The following SH3RF1 variants were observed in gnomAD, a reference collection of about 807,000 sequenced individuals.
SH3RF1 encodes E3 ubiquitin-protein ligase SH3RF1.
In SH3RF1, 32 loss-of-function variants were observed where a neutral mutation model predicts 74.0. The observed-to-expected ratio is 0.43, with a 90% CI of 0.33 to 0.58. The LOEUF (loss-of-function observed/expected upper bound fraction) is 0.58, where lower values mean the gene tolerates loss of function less well. Among genes scored for constraint, SH3RF1 ranks in the 20% least tolerant of loss-of-function variants. The pLI is 0.05. For synonymous variants in SH3RF1, 396 were observed against 439.6 expected, an observed-to-expected ratio of 0.90 and a Z score of 1.24; for missense variants, 954 against 1,130.9, an observed-to-expected ratio of 0.84 and a Z score of 2.24.
chr4:169,131,650 C>T lies in SH3RF1; in HGVS notation c.1069-1494G>A, dbSNP rs1208202215. Among the ~76,000 whole-genome samples the T allele has an allele frequency of 2.6e-5, 4 of 152,224 alleles. No homozygotes were observed. The South Asian group carries it at 6.2e-4, about 24-fold the overall frequency. ...CTGAAAAGAAAACCTTAACTTTCCA[C>T]GCCTAAGTAACAAATGGACCAAAGG... On this transcript the variant is annotated intron_variant, in intron 5 of 11. Transcript: ENST00000284637.
chr4:169,255,882 C>A (rs1024973653), intron 2 of SH3RF1, among the ~76,000 whole-genome samples: 6 of 152,094 alleles, frequency 3.9e-5, no homozygotes, highest in Non-Finnish European at 8.8e-5. Context: ...TTCCTCCCCC[C>A]TCAGCTTCTG....
chr4:169,132,048 C>T (rs184749453), intron 5 of SH3RF1, among the ~76,000 whole-genome samples: 3 of 152,328 alleles, frequency 2.0e-5, no homozygotes, highest in East Asian at 3.9e-4. Context: ...CCCACACTGG[C>T]GTGTACTTTC....
At chr4:169,177,080 A>G (rs1734433353) in intron 2 of SH3RF1, among the ~76,000 whole-genome samples, 2 of 152,174 alleles carry the variant, frequency 1.3e-5, no homozygotes, top group Non-Finnish European at 2.9e-5. Flanking sequence ...CACCTCCCCC[A>G]GCCTACAACT....
chr4:169,162,870 C>T (rs1734172298), intron 2 of SH3RF1, among the ~76,000 whole-genome samples: 1 of 152,118 alleles, frequency 6.6e-6, no homozygotes, highest in African/African-American at 2.4e-5. Context: ...TTTTTTAGCG[C>T]TTGGTGGCTC....
chr4:169,201,675 C>T (rs752652559), intron 2 of SH3RF1: 3 of 152,154 alleles, frequency 2.0e-5, no homozygotes, highest in Non-Finnish European at 2.9e-5. Context: ...ATTCATAATA[C>T]CATAATCATT....
intron 2 of SH3RF1, chr4:169,217,079 C>T (rs1579143874): frequency 6.7e-6 from 1 of 148,804 alleles, no homozygotes; most frequent in African/African-American, 2.5e-5. Context: ...GAGAAGATCG[C>T]TTGAGCCCAG....
intron 2 of SH3RF1, among the ~76,000 whole-genome samples, chr4:169,194,667 T>C (rs1472219767): frequency 6.6e-6 from 1 of 152,216 alleles, no homozygotes; most frequent in Non-Finnish European, 1.5e-5. Context: ...ATGATGCTAT[T>C]ATGAATGTTC....
At chr4:169,167,332 A>G (rs946753440) in intron 2 of SH3RF1, among the ~76,000 whole-genome samples, 2 of 152,170 alleles carry the variant, frequency 1.3e-5, no homozygotes, top group Admixed American at 1.3e-4. Flanking sequence ...TTTTCTAAAA[A>G]ATGTGGAGCA....
At chr4:169,104,517 G>T (rs1355045919) in intron 11 of SH3RF1, among the ~76,000 whole-genome samples, 1 of 152,162 alleles carries the variant, frequency 6.6e-6, no homozygotes, top group Admixed American at 6.5e-5. Flanking sequence ...TGTAGGGAGA[G>T]AACACTTTTT....
intron 2 of SH3RF1, among the ~76,000 whole-genome samples, chr4:169,259,187 T>C (rs1478761691): frequency 1.3e-5 from 2 of 152,162 alleles, no homozygotes; most frequent in Non-Finnish European, 2.9e-5. Context: ...ATAATAATAA[T>C]AATAATTTCC....
chr4:169,116,403 T>C lies in SH3RF1; in HGVS notation c.2005A>G (p.Ile669Val), dbSNP rs890253083. Residue 669 changes from isoleucine (I) to valine (V), a missense_variant, in exon 10 of 12, where the codon ATC (isoleucine) becomes GTC (valine). By Grantham distance (29) the Ile-to-Val change is conservative. Transcript: ENST00000284637. The stretch of plus-strand genomic sequence containing the variant: ...TCAGCCTCCAGAGAAGCACTGGTGA[T>C]GCTTGGGGAAGTCAGTGGAGCAGCT... Reference protein sequence around the residue: ...AAAAPLTSPSITSASLEAEPS... With the variant: ...AAAAPLTSPSVTSASLEAEPS... 1 of 1,614,154 alleles carries C rather than the reference T, an allele frequency of 6.2e-7. No homozygotes were observed. Among genetic ancestry groups the C allele is most frequent in the Non-Finnish European group, 8.5e-7 (1 of 1,180,012 alleles).
chr4:169,199,851 A>T (rs1340148637), intron 2 of SH3RF1, among the ~76,000 whole-genome samples: 10 of 152,206 alleles, frequency 6.6e-5, no homozygotes, highest in Non-Finnish European at 1.5e-4. Context: ...AGCACGACAC[A>T]TGTAAATTAA....
intron 2 of SH3RF1, among the ~76,000 whole-genome samples, chr4:169,225,882 G>C (rs963667422): frequency 6.6e-5 from 10 of 152,244 alleles, no homozygotes; most frequent in Admixed American, 3.3e-4. Flanking sequence ...AAACAGAAGA[G>C]ATGAGCAGAG....
intron 11 of SH3RF1, among the ~76,000 whole-genome samples, chr4:169,102,726 T>C (rs1242853026): frequency 6.6e-6 from 1 of 152,166 alleles, no homozygotes; most frequent in Non-Finnish European, 1.5e-5. Flanking sequence ...CACTATTTCT[T>C]GCTTGTTTTC....
intron 4 of SH3RF1, among the ~76,000 whole-genome samples, chr4:169,139,598 A>T (rs935738262): frequency 6.6e-6 from 1 of 152,192 alleles, no homozygotes; most frequent in South Asian, 2.1e-4. Context: ...TGCTGTGAAT[A>T]ATCTAGTTAT....
At chr4:169,190,451 T>G (rs927228668) in intron 2 of SH3RF1, among the ~76,000 whole-genome samples, 10 of 151,948 alleles carry the variant, frequency 6.6e-5, no homozygotes, top group Non-Finnish European at 8.8e-5. Context: ...CACCTTTACA[T>G]GCATAAACTA....
chr4:169,231,865 T>C lies in SH3RF1; in HGVS notation c.393+36955A>G, dbSNP rs530985363. 5.7e-4 allele frequency among the ~76,000 whole-genome samples: 87 copies of C among 152,344 alleles called. 1 individual carries two copies. The highest frequency in any genetic ancestry group is 2.0e-3 in the African/African-American group (82 of 41,594). On this transcript the variant is annotated intron_variant, in intron 2 of 11. Coordinates refer to ENST00000284637, the MANE Select transcript of SH3RF1 (RefSeq NM_020870.4). ...TTGACATTAGACATTCAAGGATATA[T>C]AAGTATCAGGTCCTGTCTTTAAAAA... is the stretch of plus-strand genomic sequence containing the variant.
intron 4 of SH3RF1, among the ~76,000 whole-genome samples, chr4:169,144,697 A>G (rs1480641654): frequency 6.6e-6 from 1 of 152,138 alleles, no homozygotes; most frequent in African/African-American, 2.4e-5. Flanking sequence ...CACTATAGTG[A>G]ACTATGGTCA....
chr4:169,095,089 A>G lies in SH3RF1; in HGVS notation c.*1430T>C, dbSNP rs1244281820. 1 of 152,608 alleles carries G rather than the reference A, an allele frequency of 6.6e-6. No homozygotes were observed. Among genetic ancestry groups the G allele is most frequent in the Non-Finnish European group, 1.5e-5 (1 of 68,046 alleles). 9.5% of individuals were successfully genotyped at this position (152,608 alleles called of 1,614,324 possible). A position where few individuals can be genotyped will look rare whatever the true frequency, so the allele number is the denominator to read the frequency against. On this transcript the variant is annotated 3_prime_UTR_variant, in exon 12 of 12. Coordinates refer to ENST00000284637, the MANE Select transcript of SH3RF1 (RefSeq NM_020870.4). ...AGAGGCCAATGACATCAAGGAATGG[A>G]TATAAAAAGACAGGCTCTTCTGGAT...
Sources: allele counts gnomAD v4.1 joint callset (sites outside exome capture counted in the v4.1 genomes callset), GRCh38; gene constraint gnomAD v4.1.1; transcripts MANE v1.5; gene names NCBI Gene and HGNC (gene_info 2026-07-23, HGNC 2026-07-21).